The following CR2 variants were observed in gnomAD, a reference collection of about 807,000 sequenced individuals.
CR2 encodes complement receptor type 2.
CR2 carries 96 observed loss-of-function variants against 123.0 expected under a neutral mutation model. The observed-to-expected ratio is 0.78, with a 90% CI of 0.66 to 0.93. The LOEUF is 0.93. CR2 is among the 40% of genes least tolerant of loss of function. The pLI is 0.00. For synonymous variants in CR2, 484 were observed against 469.5 expected (o/e 1.03, Z -0.40); for missense variants, 1,258 against 1,361.0 (o/e 0.92, Z 1.19).
In CR2 at chr1:207,473,594, T is replaced by TA; in HGVS notation, c.2029dup (p.Thr677AsnfsTer15). Reference sequence around the variant, plus strand: ...ACCATGGTCGTCATACAGGTGGAAATACGGTCTTCTTTGTCTCTGGGATGA... The same window carrying TA: ...ACCATGGTCGTCATACAGGTGGAAATAACGGTCTTCTTTGTCTCTGGGATGA... On this transcript the variant is annotated frameshift_variant, in exon 11 of 20. Coordinates refer to ENST00000367057, the MANE Select transcript of CR2 (RefSeq NM_001006658.3). LOFTEE classifies it high-confidence loss of function. 6.2e-7 allele frequency: 1 copy of TA among 1,613,990 alleles called. No homozygotes were observed. Among genetic ancestry groups the TA allele is most frequent in the East Asian group, 2.2e-5 (1 of 44,890 alleles).
chr1:207,485,545 A>G lies in CR2; in HGVS notation c.3270A>G (p.Pro1090=). 9.9e-6 allele frequency: 16 copies of G among 1,608,866 alleles called. No homozygotes were observed. The highest frequency in any genetic ancestry group is 1.4e-5 in the Non-Finnish European group (16 of 1,175,242). ...TATATTCTGTTGATCCATACAACCC[A>G]GCCAGCTGATCAGAAGACAAACTGG... is the stretch of plus-strand genomic sequence containing the variant. ...REVYSVDPYN[P]AS Residue 1090 remains proline, a synonymous_variant, in exon 19 of 20, where the codon CCA becomes CCG. Transcript: ENST00000367057.
At position 207,480,172 on chromosome 1, in the gene CR2, A is replaced by G. The variant is rs1232565133; in HGVS notation, c.3188+119A>G. 6 of 773,078 alleles carry G rather than the reference A, an allele frequency of 7.8e-6. No homozygotes were observed. In the Admixed American group the frequency reaches 9.5e-5, roughly 12 times the overall value. The allele number at this position is 773,078 out of a possible 1,614,324, so 47.9% of individuals were successfully genotyped here. ...ATAAATACTGCAATGTGATAACTAAATGAAGTATCTCGTGCTATACAAAAG... is the reference window on the plus strand; with the variant it reads ...ATAAATACTGCAATGTGATAACTAAGTGAAGTATCTCGTGCTATACAAAAG... On this transcript the variant is annotated intron_variant, in intron 18 of 19. Transcript: ENST00000367057.
Position 207,454,538 on chromosome 1 carries a change from C to A in CR2, c.58+62C>A. 2 of 1,297,318 alleles carry A rather than the reference C, an allele frequency of 1.5e-6. No homozygotes were observed. The highest frequency in any genetic ancestry group is 2.1e-6 in the Non-Finnish European group (2 of 952,070). The allele number at this position is 1,297,318 out of a possible 1,614,324, so 80.4% of individuals were successfully genotyped here. On this transcript the variant is annotated intron_variant, in intron 1 of 19. Coordinates refer to ENST00000367057, the MANE Select transcript of CR2 (RefSeq NM_001006658.3). The surrounding 1 kb of genome is among the most constrained non-coding windows in gnomAD (Gnocchi z 4.3). ...TCCCGGGCAGGGAAAGTTTCTGTGCCGCGATGCAAAGCAGGGGGCCAAAAG... is the reference window on the plus strand; with the variant it reads ...TCCCGGGCAGGGAAAGTTTCTGTGCAGCGATGCAAAGCAGGGGGCCAAAAG...
rs765195323 is a variant in CR2, at chr1:207,472,921, A to G, written c.1720A>G (p.Ile574Val). The change falls in exon 10 of 20, where the codon ATC becomes GTC. Residue 574 changes from isoleucine to valine, a missense_variant. Transcript: ENST00000367057. ...ATTCAGCCTCATTGGAGAGAGCACCATCCGTTGTACAAGCAATGATCAAGA... is the reference window on the plus strand; with the variant it reads ...ATTCAGCCTCATTGGAGAGAGCACCGTCCGTTGTACAAGCAATGATCAAGA... ...VEFSLIGEST[I>V]RCTSNDQERG... is the part of the protein sequence containing the mutation. 8.7e-6 allele frequency: 14 copies of G among 1,614,034 alleles called. No individual in the cohort carries two copies. The East Asian group carries it at 3.1e-4, about 36-fold the overall frequency.
rs1347384020 is a variant in CR2 at position 207,474,693 on chromosome 1, A to G, written c.2324-131A>G. 4.0e-6 allele frequency: 4 copies of G among 1,000,540 alleles called. No individual in the cohort carries two copies. The East Asian group carries it at 7.2e-5, about 18-fold the overall frequency. The allele number at this position is 1,000,540 out of a possible 1,614,324, so 62.0% of individuals were successfully genotyped here. A position where few individuals can be genotyped will look rare whatever the true frequency, so the allele number is the denominator to read the frequency against. Reference sequence around the variant, plus strand: ...GCTGTTTTTAAAAAAAGCATAATCCATATTCCAAAATTTAAGTTATTTTCT... The same window carrying G: ...GCTGTTTTTAAAAAAAGCATAATCCGTATTCCAAAATTTAAGTTATTTTCT... On this transcript the variant is annotated intron_variant, in intron 13 of 19. Transcript: ENST00000367057.
At chr1:207,462,546 G>T (rs1250704768) in intron 1 of CR2, among the ~76,000 whole-genome samples, 1 of 152,164 alleles carries the variant, frequency 6.6e-6, no homozygotes, top group African/African-American at 2.4e-5. Flanking sequence ...TGTGCAGAGT[G>T]GCATGACCAC....
rs533282521 is a variant in CR2, at chr1:207,475,491, G to A, written c.2716+275G>A. 2.6e-5 allele frequency among the ~76,000 whole-genome samples: 4 copies of A among 152,254 alleles called. No homozygotes were observed. In the South Asian group the frequency reaches 8.3e-4, roughly 32 times the overall value. On this transcript the variant is annotated intron_variant, in intron 14 of 19. Transcript: ENST00000367057. ...AAAAATTGTTATTGTTATGACTTTA[G>A]TGTAAGAAAAATGCACATACATTTT...
In CR2 at chr1:207,466,859, G is replaced by T; in HGVS notation, c.392G>T (p.Trp131Leu). Reference protein sequence around the residue: ...NFSMNGNKSVWCQANNMWGPT... With the variant: ...NFSMNGNKSVLCQANNMWGPT... ...TCCATGAACGGAAACAAGTCTGTTT[G>T]GTGTCAAGCAAATAATATGTGGGGG... Residue 131 changes from tryptophan (W) to leucine (L), a missense_variant, in exon 2 of 20, where the codon TGG becomes TTG. Physicochemically the swap from Trp to Leu is moderately conservative, Grantham distance 61. Transcript: ENST00000367057. The T allele has an allele frequency of 6.2e-7, 1 of 1,609,612 alleles. No individual in the cohort carries two copies. The highest frequency in any genetic ancestry group is 8.5e-7 in the Non-Finnish European group (1 of 1,178,056).
At position 207,466,831 on chromosome 1, in the gene CR2, T is replaced by C; in HGVS notation, c.364T>C (p.Phe122Leu). Residue 122 changes from phenylalanine to leucine, a missense_variant, in exon 2 of 20, where the codon TTC (phenylalanine) becomes CTC (leucine). By Grantham distance (22) the Phe-to-Leu change is conservative. Transcript: ENST00000367057. ...DSVTFACKTN[F>L]SMNGNKSVWC... The stretch of plus-strand genomic sequence containing the variant: ...TGTGACATTTGCCTGTAAAACCAAC[T>C]TCTCCATGAACGGAAACAAGTCTGT... 6.2e-7 allele frequency: 1 copy of C among 1,613,420 alleles called. No individual in the cohort carries two copies. Among genetic ancestry groups the C allele is most frequent in the South Asian group, 1.1e-5 (1 of 90,920 alleles).
intron 10 of CR2, 55 bp from the exon 11 acceptor site, chr1:207,473,490 T>A: frequency 6.5e-7 from 1 of 1,542,126 alleles, no homozygotes; most frequent in Non-Finnish European, 9.0e-7. Flanking sequence ...CACTTAGTGT[T>A]CTTGAGTAGA....
At chr1:207,468,017 A>C (rs1658152685) in intron 2 of CR2, among the ~76,000 whole-genome samples, 1 of 152,164 alleles carries the variant, frequency 6.6e-6, no homozygotes, top group African/African-American at 2.4e-5. Flanking sequence ...GTGAAAATTG[A>C]CTTTTTTTGG....
chr1:207,466,377 T>C, intron 1 of CR2, 149 bp from the exon 2 acceptor site: 1 of 871,292 alleles, frequency 1.1e-6, no homozygotes. Flanking sequence ...TTTAGGAGTT[T>C]GGGAGTAAGC....
chr1:207,470,648 A>G, intron 6 of CR2, 92 bp from the exon 7 acceptor site: 1 of 1,260,314 alleles, frequency 7.9e-7, no homozygotes, highest in Non-Finnish European at 1.2e-6. Flanking sequence ...GCCAGAGTGG[A>G]ATTATAGCAT....
chr1:207,476,380 C>T lies in CR2; in HGVS notation c.2863C>T (p.His955Tyr), dbSNP rs1329384177. 4 of 1,613,804 alleles carry T rather than the reference C, an allele frequency of 2.5e-6. No individual in the cohort carries two copies. The highest frequency in any genetic ancestry group is 2.7e-5 in the African/African-American group (2 of 74,904). ...LVGEALLLCTHEGTWSQPAPH... is the reference protein window; with the variant it reads ...LVGEALLLCTYEGTWSQPAPH... ...GGGAGAGGCACTCCTTCTTTGCACA[C>T]ATGAGGGAACCTGGAGCCAACCTGC... Residue 955 changes from histidine to tyrosine, a missense_variant, in exon 15 of 20, where the codon CAT (histidine) becomes TAT (tyrosine). His to Tyr is a moderately conservative substitution (Grantham distance 83, BLOSUM62 2). Transcript: ENST00000367057.
chr1:207,476,749 A>G (rs1572960725), intron 15 of CR2, among the ~76,000 whole-genome samples: 1 of 152,382 alleles, frequency 6.6e-6, no homozygotes, highest in East Asian at 1.9e-4. Flanking sequence ...AAGTACCAAT[A>G]AAAAGCACAG....
Position 207,479,249 on chromosome 1 carries a change from A to G in CR2, c.3089-8A>G. ...ATAATCATTTTCATGATTTTGTACT[A>G]TTTTTAGGTTCACTTGCTCCTGTCC... On this transcript the variant is annotated splice_polypyrimidine_tract_variant and splice_region_variant and intron_variant, in intron 16 of 19. Coordinates refer to ENST00000367057, the MANE Select transcript of CR2 (RefSeq NM_001006658.3). The G allele has an allele frequency of 6.3e-7, 1 of 1,590,436 alleles. No individual in the cohort carries two copies. Among genetic ancestry groups the G allele is most frequent in the South Asian group, 1.1e-5 (1 of 90,602 alleles).
Position 207,485,498 on chromosome 1 carries a change from T to C in CR2, c.3223T>C (p.Phe1075Leu). 4 of 1,613,388 alleles carry C rather than the reference T, an allele frequency of 2.5e-6. No homozygotes were observed. The highest frequency in any genetic ancestry group is 3.4e-6 in the Non-Finnish European group (4 of 1,179,356). Residue 1075 changes from phenylalanine (F) to leucine (L), a missense_variant, in exon 19 of 20, where the codon TTT becomes CTT. By Grantham distance (22) the Phe-to-Leu change is conservative. Transcript: ENST00000367057. ...YYTDTSQKEA[F>L]HLEAREVYSV... The stretch of plus-strand genomic sequence containing the variant: ...TACAGATACAAGCCAGAAAGAAGCT[T>C]TTCATTTAGAAGCACGAGAAGTATA...
intron 1 of CR2, among the ~76,000 whole-genome samples, chr1:207,462,348 C>A (rs184597467): frequency 3.3e-5 from 5 of 152,072 alleles, no homozygotes; most frequent in Admixed American, 3.3e-4. Context: ...GCCCTCTGAG[C>A]AGAGGAAACA....
chr1:207,457,585 T>C (rs1386991954), intron 1 of CR2, among the ~76,000 whole-genome samples: 1 of 152,196 alleles, frequency 6.6e-6, no homozygotes, highest in East Asian at 1.9e-4. Context: ...TTCCCCACAG[T>C]CTCCTGAAGC....
Sources: allele counts gnomAD v4.1 joint callset (sites outside exome capture counted in the v4.1 genomes callset), GRCh38; gene constraint gnomAD v4.1.1; non-coding constraint Gnocchi (gnomAD v3.1); transcripts MANE v1.5; gene names NCBI Gene and HGNC (gene_info 2026-07-23, HGNC 2026-07-21).